Variants in MFN2 observed in about 807,000 individuals in gnomAD.
The protein encoded by MFN2 is mitofusin-2.
In MFN2, 43 loss-of-function variants were observed where a neutral mutation model predicts 87.5. The observed-to-expected ratio is 0.49, with a 90% CI of 0.38 to 0.63. MFN2 has a LOEUF of 0.63. Among genes scored for constraint, MFN2 ranks in the 30% least tolerant of loss-of-function variants. MFN2 has a pLI of 0.00. For missense variants in MFN2, 743 were observed against 972.8 expected (o/e 0.76, Z 3.14); for synonymous variants, 337 against 359.9 (o/e 0.94, Z 0.72).
rs1639771331 is a variant in MFN2 at position 12,013,372 on chromosome 1, T to C, written c.*1807T>C. 1 of 471,578 alleles carries C rather than the reference T, an allele frequency of 2.1e-6. No homozygotes were observed. Among genetic ancestry groups the C allele is most frequent in the South Asian group, 1.6e-5 (1 of 64,464 alleles). 29.2% of individuals were successfully genotyped at this position (471,578 alleles called of 1,614,324 possible). On this transcript the variant is annotated 3_prime_UTR_variant, in exon 19 of 19. Transcript: ENST00000235329. ...AATGCTGCTGACATTGTTGTTTTTA[T>C]GTTCATTTGCTGGAGCGCAAGACGT...
At chr1:11,992,484 G>A in intron 3 of MFN2, 71 bp from the exon 4 acceptor site, 1 of 1,601,018 alleles carries the variant, frequency 6.2e-7, no homozygotes, top group Admixed American at 1.7e-5. Context: ...CCGGCGCTCT[G>A]GCCCTTCCAG....
intron 2 of MFN2, among the ~76,000 whole-genome samples, chr1:11,986,007 T>A (rs1356562326): frequency 2.6e-5 from 4 of 152,178 alleles, no homozygotes; most frequent in Non-Finnish European, 5.9e-5. Context: ...AGCTGTGGCG[T>A]CATGCTGAGG....
At chr1:11,997,101 G>A (rs559199646) in intron 5 of MFN2, among the ~76,000 whole-genome samples, 196 bp from the exon 6 acceptor site, 603 of 152,010 alleles carry the variant, frequency 4.0e-3, no homozygotes, top group Non-Finnish European at 5.6e-3. Context: ...TGATATCCGG[G>A]AAAGAAGCTC....
At chr1:11,997,221 G>C in intron 5 of MFN2, 76 bp from the exon 6 acceptor site, 4 of 1,603,244 alleles carry the variant, frequency 2.5e-6, no homozygotes, top group Non-Finnish European at 3.4e-6. Context: ...CCACTGTGCT[G>C]TGATGCAGCG....
chr1:11,997,517 G>T, intron 6 of MFN2, 96 bp downstream of exon 6: 1 of 1,545,772 alleles, frequency 6.5e-7, no homozygotes, highest in South Asian at 1.1e-5. Context: ...CCCCATCCTT[G>T]CTCTGCTTAA....
chr1:12,004,940 G>C lies in MFN2; in HGVS notation c.1495+13G>C, dbSNP rs1410965456. The C allele has an allele frequency of 6.3e-7, 1 of 1,591,816 alleles. No homozygotes were observed. Among genetic ancestry groups the C allele is most frequent in the African/African-American group, 1.3e-5 (1 of 74,318 alleles). On this transcript the variant is annotated intron_variant, in intron 14 of 18. Transcript: ENST00000235329. The surrounding 1 kb of genome is among the most constrained non-coding windows in gnomAD (Gnocchi z 4.2). ...CAGGACATGATAGGTTAGTGCCCAT[G>C]GGGAACTGGGCAGCTGTGGCCCTGG...
chr1:11,984,462 T>C lies in MFN2; in HGVS notation c.-5+2348T>C, dbSNP rs1254186527. On this transcript the variant is annotated intron_variant, in intron 2 of 18. Transcript: ENST00000235329. ...TCTTACTGTAGTGAAGCATGTTGCT[T>C]GCGTCATCAACTTTAGTCTTCTCAC... is the stretch of plus-strand genomic sequence containing the variant. Among the ~76,000 whole-genome samples the C allele has an allele frequency of 2.0e-5, 3 of 152,244 alleles. 1 individual carries two copies. Among genetic ancestry groups the C allele is most frequent in the Admixed American group, 2.0e-4 (3 of 15,284 alleles).
intron 2 of MFN2, among the ~76,000 whole-genome samples, chr1:11,985,458 T>C (rs1221441692): frequency 1.6e-5 from 2 of 122,170 alleles, no homozygotes; most frequent in Non-Finnish European, 3.3e-5. Flanking sequence ...TTGATCCCTT[T>C]TTTTTTTTTT....
At chr1:11,984,078 T>C (rs1277851442) in intron 2 of MFN2, among the ~76,000 whole-genome samples, 1 of 152,190 alleles carries the variant, frequency 6.6e-6, no homozygotes, top group African/African-American at 2.4e-5. Flanking sequence ...AACCTGGAGC[T>C]CCCAAGCTTC....
rs560095109 is a variant in MFN2 at position 12,004,257 on chromosome 1, G to A, written c.1287+139G>A. On this transcript the variant is annotated intron_variant, in intron 12 of 18. Transcript: ENST00000235329. The surrounding 1 kb of genome is among the most constrained non-coding windows in gnomAD (Gnocchi z 4.2). ...CCTGTTTCAAGAATACAGAGCTGCC[G>A]TTTGGGTTCCATTGTCGGGTTGTGT... 52 of 1,228,500 alleles carry A rather than the reference G, an allele frequency of 4.2e-5. No individual in the cohort carries two copies. Among genetic ancestry groups the A allele is most frequent in the African/African-American group, 3.3e-4 (22 of 66,470 alleles). The allele number at this position is 1,228,500 out of a possible 1,614,324, so 76.1% of individuals were successfully genotyped here. A position where few individuals can be genotyped will look rare whatever the true frequency, so the allele number is the denominator to read the frequency against.
rs1336933303 is a variant in MFN2 at position 12,003,122 on chromosome 1, T to G, written c.1161-870T>G. On this transcript the variant is annotated intron_variant, in intron 11 of 18. Transcript: ENST00000235329. This position sits in a 1 kb window ranked among gnomAD's most constrained non-coding sequence, Gnocchi z 4.1. ...ATTGGAAACCCTACTGCAGTGGACA[T>G]TTGTTCATGTGTCCCCTTGTGCACC... 6.6e-6 allele frequency among the ~76,000 whole-genome samples: 1 copy of G among 152,158 alleles called. No individual in the cohort carries two copies. Among genetic ancestry groups the G allele is most frequent in the Non-Finnish European group, 1.5e-5 (1 of 68,030 alleles).
intron 3 of MFN2, chr1:11,992,289 C>A (rs1638719301): frequency 1.9e-6 from 1 of 518,860 alleles, no homozygotes; most frequent in Non-Finnish European, 3.5e-6. Flanking sequence ...GAAACTAAGA[C>A]CCAGAAAGGT....
rs1345467885 is a variant in MFN2, at chr1:12,004,642, G to C, written c.1392+29G>C. 6.2e-7 allele frequency: 1 copy of C among 1,603,612 alleles called. No individual in the cohort carries two copies. The highest frequency in any genetic ancestry group is 1.7e-5 in the Admixed American group (1 of 60,010). ...AGTCATGGAGCAACAGGTCCTCTTG[G>C]CAGGAGGCCCCCAAAAGTGATTCAA... On this transcript the variant is annotated intron_variant, in intron 13 of 18. Transcript: ENST00000235329. This position sits in a 1 kb window ranked among gnomAD's most constrained non-coding sequence, Gnocchi z 4.2.
In MFN2 at chr1:12,007,161, T is replaced by C. The variant is rs1204925465; in HGVS notation, c.1981T>C (p.Phe661Leu). ...GACCACCAAGGCCAAGGAGAGGGCCTTCAAGCGCCAGTTTGTGGAGCATGC... is the reference window on the plus strand; with the variant it reads ...GACCACCAAGGCCAAGGAGAGGGCCCTCAAGCGCCAGTTTGTGGAGCATGC... ...TWTTKAKERAFKRQFVEHASE... is the reference protein window; with the variant it reads ...TWTTKAKERALKRQFVEHASE... Residue 661 changes from phenylalanine to leucine, a missense_variant, in exon 17 of 19, where the codon TTC (phenylalanine) becomes CTC (leucine). This residue lies in a region of MFN2 where 571 missense variants were observed against 670.7 expected (regional missense o/e 0.85). Transcript: ENST00000235329. 6.2e-7 allele frequency: 1 copy of C among 1,614,084 alleles called. No individual in the cohort carries two copies. Among genetic ancestry groups the C allele is most frequent in the Non-Finnish European group, 8.5e-7 (1 of 1,180,044 alleles).
At position 11,998,980 on chromosome 1, in the gene MFN2, T is replaced by C. The variant is rs532012865; in HGVS notation, c.709-8T>C. 6.2e-7 allele frequency: 1 copy of C among 1,614,092 alleles called. No homozygotes were observed. The highest frequency in any genetic ancestry group is 1.3e-5 in the African/African-American group (1 of 75,036). ...TCCTGCTCCACCGAGGTCTTACCCT[T>C]TATCTAGGAAAAGCACTTCTTCCAC... On this transcript the variant is annotated splice_polypyrimidine_tract_variant and splice_region_variant and intron_variant, in intron 7 of 18. Transcript: ENST00000235329.
intron 3 of MFN2, among the ~76,000 whole-genome samples, chr1:11,989,916 C>G (rs1414801137): frequency 6.6e-6 from 1 of 152,218 alleles, no homozygotes; most frequent in Non-Finnish European, 1.5e-5. Flanking sequence ...GTTCCCAGGG[C>G]CCCGCTCGTC....
At chr1:12,009,559 A>G (rs772495464) in intron 17 of MFN2, 33 bp from the exon 18 acceptor site, 1 of 1,613,526 alleles carries the variant, frequency 6.2e-7, no homozygotes, top group Non-Finnish European at 8.5e-7. Flanking sequence ...TGCTCCACAC[A>G]CCCCAACTGG....
At chr1:12,007,592 C>T (rs565039015) in intron 17 of MFN2, among the ~76,000 whole-genome samples, 71 of 152,252 alleles carry the variant, frequency 4.7e-4, no homozygotes, top group Non-Finnish European at 8.4e-4. Context: ...GCCTGATCTT[C>T]GTGCACATCT....
chr1:11,986,246 C>G (rs927402012), intron 2 of MFN2, among the ~76,000 whole-genome samples: 1 of 152,174 alleles, frequency 6.6e-6, no homozygotes, highest in African/African-American at 2.4e-5. Flanking sequence ...GGACCTTGTG[C>G]AACATACTTT....
Sources: allele counts gnomAD v4.1 joint callset (sites outside exome capture counted in the v4.1 genomes callset), GRCh38; gene constraint gnomAD v4.1.1; regional missense constraint gnomAD v4.1.1; non-coding constraint Gnocchi (gnomAD v3.1); transcripts MANE v1.5; gene names NCBI Gene and HGNC (gene_info 2026-07-23, HGNC 2026-07-21).